The following RPRD1B variants were observed in gnomAD, a reference collection of about 807,000 sequenced individuals.
The protein encoded by RPRD1B is regulation of nuclear pre-mRNA domain-containing protein 1B.
Under a neutral mutation model 41.5 loss-of-function variants are expected in RPRD1B, and 11 were observed. The observed-to-expected ratio is 0.27, with a 90% CI of 0.17 to 0.44. The LOEUF is 0.44. Among genes scored for constraint, RPRD1B ranks in the 20% least tolerant of loss-of-function variants. RPRD1B has a pLI of 1.00. For missense variants in RPRD1B, 248 were observed against 389.9 expected (o/e 0.64, Z 3.06); for synonymous variants, 158 against 155.6 (o/e 1.02, Z -0.12).
chr20:38,076,473 C>T (rs1486478360), intron 6 of RPRD1B, among the ~76,000 whole-genome samples: 1 of 152,206 alleles, frequency 6.6e-6, no homozygotes, highest in Non-Finnish European at 1.5e-5. Flanking sequence ...ATGTAGCATG[C>T]TTTGTCTCTC....
chr20:38,086,444 C>G (rs185180971), intron 6 of RPRD1B, among the ~76,000 whole-genome samples: 1 of 152,332 alleles, frequency 6.6e-6, no homozygotes, highest in South Asian at 2.1e-4. Flanking sequence ...GTTATCCTTG[C>G]CAATACATTT....
chr20:38,089,173 T>A (rs1344168469), intron 6 of RPRD1B, among the ~76,000 whole-genome samples: 1 of 152,128 alleles, frequency 6.6e-6, no homozygotes, highest in East Asian at 1.9e-4. Flanking sequence ...TCAGGAGGCC[T>A]AACCAGGGAC....
At chr20:38,050,114 A>G (rs975108505) in intron 3 of RPRD1B, among the ~76,000 whole-genome samples, 1 of 152,208 alleles carries the variant, frequency 6.6e-6, no homozygotes, top group Non-Finnish European at 1.5e-5. Context: ...TACTTTATAC[A>G]TGCATCTGCT....
intron 6 of RPRD1B, among the ~76,000 whole-genome samples, chr20:38,073,436 TG>T (rs775144453): frequency 1.1e-4 from 17 of 152,264 alleles, no homozygotes; most frequent in Admixed American, 4.6e-4. Context: ...ACAACACAGC[TG>T]GGAAGGGGGA....
intron 6 of RPRD1B, among the ~76,000 whole-genome samples, chr20:38,075,927 A>G (rs1462198531): frequency 3.9e-5 from 6 of 152,238 alleles, no homozygotes; most frequent in Admixed American, 3.3e-4. Flanking sequence ...TGTAGGAAGA[A>G]GTATGATTAG....
chr20:38,035,768 GTT>G (rs5841283), intron 1 of RPRD1B, among the ~76,000 whole-genome samples: 20 of 142,350 alleles, frequency 1.4e-4, no homozygotes, highest in Admixed American at 4.9e-4. Context: ...CATTTTTTTT[GTT>G]TTTTTTTTTT....
At chr20:38,066,843 G>T (rs966356758) in intron 6 of RPRD1B, among the ~76,000 whole-genome samples, 1 of 152,048 alleles carries the variant, frequency 6.6e-6, no homozygotes, top group Admixed American at 6.5e-5. Context: ...TTTTAGTAGG[G>T]ACGGGGTTTC....
chr20:38,048,361 G>C lies in RPRD1B; in HGVS notation c.295G>C (p.Gly99Arg). Residue 99 changes from glycine (G) to arginine (R), a missense_variant, in exon 3 of 7, where the codon GGC becomes CGC. Around this residue, in one of 5 missense-constraint regions of RPRD1B, gnomAD observed 47 missense variants for 103.6 expected, o/e 0.45. Coordinates refer to ENST00000373433, the MANE Select transcript of RPRD1B (RefSeq NM_021215.4). ...TTTTCTGGGCAGAGAGGCAGATGAA[G>C]GCTGTAAAAAACCTTTAGAAAGATT... Reference protein sequence around the residue: ...FSHVAREADEGCKKPLERLLN... With the variant: ...FSHVAREADERCKKPLERLLN... 2 of 1,613,178 alleles carry C rather than the reference G, an allele frequency of 1.2e-6. No individual in the cohort carries two copies. Among genetic ancestry groups the C allele is most frequent in the Non-Finnish European group, 1.7e-6 (2 of 1,179,386 alleles).
intron 6 of RPRD1B, among the ~76,000 whole-genome samples, chr20:38,078,747 G>A (rs528570167): frequency 1.3e-5 from 2 of 152,238 alleles, no homozygotes; most frequent in Non-Finnish European, 2.9e-5. Context: ...TTCTCACTAA[G>A]CCTATAGCTT....
chr20:38,038,499 T>TGTTTG (rs1211343307), intron 1 of RPRD1B, among the ~76,000 whole-genome samples: 3 of 136,412 alleles, frequency 2.2e-5, no homozygotes, highest in African/African-American at 8.3e-5. Flanking sequence ...TGTTTTTTTT[T>TGTTTG]TTTTTTTTTT....
intron 6 of RPRD1B, among the ~76,000 whole-genome samples, chr20:38,083,575 A>G (rs1421292324): frequency 6.6e-6 from 1 of 152,164 alleles, no homozygotes; most frequent in East Asian, 1.9e-4. Context: ...CTGGGGAGAA[A>G]GCAATGCCCT....
At chr20:38,054,365 C>T (rs1257438788) in intron 3 of RPRD1B, among the ~76,000 whole-genome samples, 1 of 152,150 alleles carries the variant, frequency 6.6e-6, no homozygotes, top group Non-Finnish European at 1.5e-5. Context: ...TAATGGTTAA[C>T]ACCTATTGTG....
intron 3 of RPRD1B, 134 bp downstream of exon 3, chr20:38,048,615 G>A (rs1251276118): frequency 6.9e-7 from 1 of 1,441,388 alleles, no homozygotes; most frequent in Non-Finnish European, 9.2e-7. Context: ...GATCATGAAT[G>A]ATGGTGAGAA....
At chr20:38,050,845 C>T (rs1347284389) in intron 3 of RPRD1B, among the ~76,000 whole-genome samples, 1 of 152,180 alleles carries the variant, frequency 6.6e-6, no homozygotes, top group Non-Finnish European at 1.5e-5. Flanking sequence ...TGAAAACACA[C>T]ATCAAAAGAT....
intron 1 of RPRD1B, among the ~76,000 whole-genome samples, chr20:38,038,911 G>C (rs1004565197): frequency 1.2e-4 from 19 of 152,254 alleles, no homozygotes; most frequent in African/African-American, 4.3e-4. Context: ...AGTTACTCAG[G>C]TGTGTTAAGG....
chr20:38,038,091 C>G (rs1044387810), intron 1 of RPRD1B, among the ~76,000 whole-genome samples: 1 of 152,096 alleles, frequency 6.6e-6, no homozygotes, highest in African/African-American at 2.4e-5. Context: ...CACTTTTGTT[C>G]TGCTTTTGAA....
intron 6 of RPRD1B, among the ~76,000 whole-genome samples, chr20:38,080,643 A>G (rs2074504063): frequency 2.0e-5 from 3 of 152,160 alleles, no homozygotes; most frequent in Admixed American, 2.0e-4. Flanking sequence ...CTCCTGCCTC[A>G]GCCTTCCGGG....
intron 3 of RPRD1B, chr20:38,049,852 C>A (rs762780370): frequency 2.1e-6 from 1 of 471,066 alleles, no homozygotes. Flanking sequence ...TCTGAACTAG[C>A]CTGTTTTTCC....
Position 38,091,006 on chromosome 20 carries a change from T to C in RPRD1B, c.*1131T>C, listed in dbSNP as rs2074607664. On this transcript the variant is annotated 3_prime_UTR_variant, in exon 7 of 7. Coordinates refer to ENST00000373433, the MANE Select transcript of RPRD1B (RefSeq NM_021215.4). Reference sequence around the variant, plus strand: ...GGAAGCGGGGAGTTGGGGATATTAATTGGGGGTTTTAATTCTATTATCATG... The same window carrying C: ...GGAAGCGGGGAGTTGGGGATATTAACTGGGGGTTTTAATTCTATTATCATG... The C allele has an allele frequency of 2.0e-6, 2 of 985,492 alleles. No individual in the cohort carries two copies. The highest frequency in any genetic ancestry group is 2.4e-6 in the Non-Finnish European group (2 of 829,910). The allele number at this position is 985,492 out of a possible 1,614,324, so 61.0% of individuals were successfully genotyped here. A position where few individuals can be genotyped will look rare whatever the true frequency, so the allele number is the denominator to read the frequency against.
Sources: allele counts gnomAD v4.1 joint callset (sites outside exome capture counted in the v4.1 genomes callset), GRCh38; gene constraint gnomAD v4.1.1; regional missense constraint gnomAD v4.1.1; transcripts MANE v1.5; gene names NCBI Gene and HGNC (gene_info 2026-07-23, HGNC 2026-07-21).